ADK: variants seen among roughly 807,000 people sequenced by gnomAD.
ADK encodes the protein adenosine kinase.
ADK carries 24 observed loss-of-function variants against 44.7 expected under a neutral mutation model. The observed-to-expected ratio is 0.54, with a 90% confidence interval of 0.39 to 0.76. The LOEUF (loss-of-function observed/expected upper bound fraction) is 0.76. Ranked by LOEUF, ADK falls within the 30% of genes least tolerant of loss-of-function variation. The probability of loss-of-function intolerance (pLI) is 0.00; values close to 1 mark genes in which losing one functional copy is unlikely to be tolerated. For synonymous variants in ADK, 128 were observed against 142.6 expected (o/e 0.90, Z 0.73); for missense variants, 321 against 425.1 (o/e 0.76, Z 2.15).
intron 9 of ADK, among the ~76,000 whole-genome samples, chr10:74,640,489 G>A (rs1451179016): frequency 1.3e-5 from 2 of 152,164 alleles, no homozygotes; most frequent in Non-Finnish European, 2.9e-5. Flanking sequence ...TGTGTGCTCC[G>A]TGTACTGCTT....
chr10:74,332,709 G>A (rs1035946927), intron 4 of ADK, among the ~76,000 whole-genome samples: 1 of 151,918 alleles, frequency 6.6e-6, no homozygotes, highest in Non-Finnish European at 1.5e-5. Context: ...AAAAACTGAA[G>A]GTATTAGAAA....
intron 3 of ADK, among the ~76,000 whole-genome samples, chr10:74,300,958 C>T (rs1055375021): frequency 6.6e-6 from 1 of 152,156 alleles, no homozygotes; most frequent in African/African-American, 2.4e-5. Context: ...ACACTGCAAT[C>T]ACGGAGCTTC....
At chr10:74,614,450 T>G (rs965264099) in intron 9 of ADK, among the ~76,000 whole-genome samples, 2 of 152,132 alleles carry the variant, frequency 1.3e-5, no homozygotes, top group Non-Finnish European at 2.9e-5. Context: ...CATACAAAAT[T>G]GATACAACTT....
intron 4 of ADK, among the ~76,000 whole-genome samples, chr10:74,378,901 A>G (rs1842895538): frequency 6.6e-6 from 1 of 152,082 alleles, no homozygotes; most frequent in Admixed American, 6.6e-5. Flanking sequence ...AGGAGTTCAG[A>G]TCTAGCCTGG....
At chr10:74,674,579 C>T (rs1415377114) in intron 10 of ADK, among the ~76,000 whole-genome samples, 1 of 151,952 alleles carries the variant, frequency 6.6e-6, no homozygotes, top group Non-Finnish European at 1.5e-5. Flanking sequence ...GGATCAAAGA[C>T]TTAAATGTAA....
At chr10:74,637,224 A>G (rs1346768651) in intron 9 of ADK, among the ~76,000 whole-genome samples, 1 of 152,212 alleles carries the variant, frequency 6.6e-6, no homozygotes, top group African/African-American at 2.4e-5. Context: ...TGAAATTCTG[A>G]ATATAAAATA....
chr10:74,391,194 T>C (rs964933664), intron 4 of ADK, among the ~76,000 whole-genome samples: 1 of 152,184 alleles, frequency 6.6e-6, no homozygotes, highest in African/African-American at 2.4e-5. Context: ...TGAAAAATTA[T>C]TTGCATTATT....
intron 1 of ADK, among the ~76,000 whole-genome samples, chr10:74,155,600 G>A (rs1841723910): frequency 1.3e-5 from 2 of 152,138 alleles, no homozygotes; most frequent in Non-Finnish European, 2.9e-5. Context: ...CACAGTCTCG[G>A]CTCACTGCAA....
At chr10:74,664,275 G>A (rs946040187) in intron 9 of ADK, among the ~76,000 whole-genome samples, 1 of 152,120 alleles carries the variant, frequency 6.6e-6, no homozygotes, top group Non-Finnish European at 1.5e-5. Flanking sequence ...ATCCAGAGTA[G>A]CCTAGATAGT....
chr10:74,328,317 TA>T lies in ADK; in HGVS notation c.273+13573del, dbSNP rs535618440. Among the ~76,000 whole-genome samples, 147 of 152,370 alleles carry T rather than the reference TA, an allele frequency of 9.6e-4. 1 individual carries two copies. Among genetic ancestry groups the T allele is most frequent in the African/African-American group, 3.4e-3 (141 of 41,578 alleles). ...TTAATAGTTTTATCTTTAATCTTCA[TA>T]TTAAAGATATAAGAGGTTTACATAC... On this transcript the variant is annotated intron_variant, in intron 4 of 10. Coordinates refer to ENST00000539909, the MANE Select transcript of ADK (RefSeq NM_006721.4).
intron 3 of ADK, among the ~76,000 whole-genome samples, chr10:74,232,179 G>T (rs1844790949): frequency 1.3e-5 from 2 of 151,896 alleles, no homozygotes. Context: ...TTTATACCTG[G>T]ATTATAAAAC....
intron 4 of ADK, among the ~76,000 whole-genome samples, chr10:74,334,198 G>T (rs1159082007): frequency 1.3e-5 from 2 of 152,094 alleles, no homozygotes; most frequent in African/African-American, 4.8e-5. Flanking sequence ...TCCCTGCTCT[G>T]TTTTTGTTGA....
At chr10:74,658,118 T>C (rs558993175) in intron 9 of ADK, among the ~76,000 whole-genome samples, 4 of 152,324 alleles carry the variant, frequency 2.6e-5, no homozygotes, top group Admixed American at 2.0e-4. Context: ...GTTCATTCAA[T>C]AGAGAACCAT....
intron 4 of ADK, among the ~76,000 whole-genome samples, chr10:74,384,399 G>A (rs1427335442): frequency 1.3e-5 from 2 of 152,186 alleles, no homozygotes; most frequent in Non-Finnish European, 2.9e-5. Context: ...GCTGGGCACG[G>A]TTGCTCACAC....
intron 4 of ADK, among the ~76,000 whole-genome samples, chr10:74,378,692 A>T (rs1351548300): frequency 6.6e-6 from 1 of 152,156 alleles, no homozygotes; most frequent in African/African-American, 2.4e-5. Flanking sequence ...TGAGAAGGTG[A>T]GATTTGGGTA....
chr10:74,358,444 G>A (rs905407902), intron 4 of ADK, among the ~76,000 whole-genome samples: 6 of 151,952 alleles, frequency 3.9e-5, no homozygotes, highest in Non-Finnish European at 7.4e-5. Flanking sequence ...ATTCTCAAAG[G>A]TACCTACTAG....
At chr10:74,175,854 C>G (rs1357496793) in intron 1 of ADK, among the ~76,000 whole-genome samples, 2 of 152,206 alleles carry the variant, frequency 1.3e-5, no homozygotes, top group East Asian at 3.8e-4. Flanking sequence ...TGATTCCCCC[C>G]TTTTCATAGT....
intron 10 of ADK, among the ~76,000 whole-genome samples, chr10:74,687,029 G>T (rs1855820982): frequency 6.6e-6 from 1 of 152,174 alleles, no homozygotes; most frequent in Admixed American, 6.5e-5. Context: ...TGAAGATAAT[G>T]AGTACCTATC....
intron 6 of ADK, among the ~76,000 whole-genome samples, chr10:74,421,074 A>G (rs1184785180): frequency 1.3e-5 from 2 of 152,170 alleles, no homozygotes; most frequent in African/African-American, 2.4e-5. Flanking sequence ...TCAGGATAGA[A>G]TGCAAGCTGT....
Sources: allele counts gnomAD v4.1 joint callset (sites outside exome capture counted in the v4.1 genomes callset), GRCh38; gene constraint gnomAD v4.1.1; transcripts MANE v1.5; gene names NCBI Gene and HGNC (gene_info 2026-07-23, HGNC 2026-07-21).